Variants in NCAM2 observed in about 807,000 individuals in gnomAD.
NCAM2 encodes the protein neural cell adhesion molecule 2, also known as N-CAM-2.
Under a neutral mutation model 98.1 loss-of-function variants are expected in NCAM2, and 30 were observed. That is an observed-to-expected ratio of 0.31 (90% CI 0.23 to 0.41). The LOEUF (loss-of-function observed/expected upper bound fraction) is 0.41. Ranked by LOEUF, NCAM2 falls within the 10% of genes least tolerant of loss-of-function variation. NCAM2 has a pLI of 1.00. For missense variants in NCAM2, 867 were observed against 1,005.8 expected, an observed-to-expected ratio of 0.86 and a Z score of 1.87; for synonymous variants, 368 against 342.4, an observed-to-expected ratio of 1.07 and a Z score of -0.83.
intron 16 of NCAM2, among the ~76,000 whole-genome samples, chr21:21,519,218 A>G (rs765672788): frequency 1.3e-5 from 2 of 152,116 alleles, no homozygotes; most frequent in Non-Finnish European, 2.9e-5. Flanking sequence ...TGTTTGAAAT[A>G]GAAGACTACT....
At chr21:21,532,925 C>G (rs747835024) in intron 16 of NCAM2, among the ~76,000 whole-genome samples, 1 of 151,994 alleles carries the variant, frequency 6.6e-6, no homozygotes, top group Non-Finnish European at 1.5e-5. Context: ...TTACAGACAT[C>G]TGATTTTCAG....
intron 1 of NCAM2, among the ~76,000 whole-genome samples, chr21:21,086,971 G>T (rs1166423380): frequency 2.0e-5 from 3 of 150,310 alleles, no homozygotes; most frequent in African/African-American, 7.4e-5. Context: ...CTATCCTTTT[G>T]ATAGGGATAT....
chr21:21,050,047 G>GTCAAA (rs2065075977), intron 1 of NCAM2, among the ~76,000 whole-genome samples: 2 of 151,814 alleles, frequency 1.3e-5, no homozygotes, highest in South Asian at 4.2e-4. Flanking sequence ...ATCAGATCAG[G>GTCAAA]TGACTGATCA....
intron 16 of NCAM2, among the ~76,000 whole-genome samples, chr21:21,514,753 C>T (rs914962653): frequency 1.3e-5 from 2 of 152,082 alleles, no homozygotes; most frequent in Non-Finnish European, 2.9e-5. Context: ...TTGAAAATGT[C>T]ATTCTTTTCT....
chr21:21,426,204 A>ACC lies in NCAM2; in HGVS notation c.1481-5903_1481-5902dup, dbSNP rs1291000578. On this transcript the variant is annotated intron_variant, in intron 11 of 17. Transcript: ENST00000400546. ...AATGTGGAGGGAAACCAGCATTCAAACCACAGCATGATCGAAACAAGAAAA... is the reference window on the plus strand; with the variant it reads ...AATGTGGAGGGAAACCAGCATTCAAACCCCACAGCATGATCGAAACAAGAAAA... 3.3e-5 allele frequency among the ~76,000 whole-genome samples: 5 copies of ACC among 152,248 alleles called. 1 individual carries two copies. The South Asian group carries it at 1.0e-3, about 32-fold the overall frequency.
chr21:21,201,000 A>T (rs1353910497), intron 1 of NCAM2, among the ~76,000 whole-genome samples: 2 of 152,006 alleles, frequency 1.3e-5, no homozygotes, highest in Non-Finnish European at 2.9e-5. Flanking sequence ...CTTTTTTATG[A>T]TTTTAATATA....
At chr21:21,504,745 A>G (rs1175937823) in intron 15 of NCAM2, among the ~76,000 whole-genome samples, 1 of 151,552 alleles carries the variant, frequency 6.6e-6, no homozygotes, top group South Asian at 2.1e-4. Flanking sequence ...ATACATACAT[A>G]GAACATAACT....
At chr21:21,497,027 G>T (rs1485198191) in intron 15 of NCAM2, among the ~76,000 whole-genome samples, 4 of 152,044 alleles carry the variant, frequency 2.6e-5, no homozygotes, top group African/African-American at 9.7e-5. Flanking sequence ...ATTCTACACA[G>T]CCATAAAAAA....
intron 11 of NCAM2, among the ~76,000 whole-genome samples, chr21:21,428,070 C>G (rs1225620556): frequency 2.0e-5 from 3 of 152,330 alleles, no homozygotes; most frequent in South Asian, 2.1e-4. Context: ...TCCATGGACT[C>G]TCATGACATA....
chr21:21,031,976 C>G (rs563052733), intron 1 of NCAM2, among the ~76,000 whole-genome samples: 2 of 152,264 alleles, frequency 1.3e-5, no homozygotes, highest in African/African-American at 4.8e-5. Flanking sequence ...GAGCATGCTA[C>G]ATACAGGAAC....
intron 1 of NCAM2, among the ~76,000 whole-genome samples, chr21:21,020,235 C>T (rs972083185): frequency 6.6e-6 from 1 of 152,004 alleles, no homozygotes; most frequent in African/African-American, 2.4e-5. Flanking sequence ...GGGGTTTCAC[C>T]GTGTTGGCCA....
At chr21:21,445,224 G>T (rs1341597005) in intron 12 of NCAM2, among the ~76,000 whole-genome samples, 1 of 152,036 alleles carries the variant, frequency 6.6e-6, no homozygotes, top group African/African-American at 2.4e-5. Flanking sequence ...CAGTTATTTT[G>T]CATTTGCTGA....
intron 2 of NCAM2, 51 bp from the exon 3 acceptor site, chr21:21,284,139 TCAAA>T (rs2073019528): frequency 7.1e-7 from 1 of 1,408,132 alleles, no homozygotes; most frequent in Non-Finnish European, 1.0e-6. Flanking sequence ...ATGCCAATGT[TCAAA>T]CAAATATTTT....
chr21:21,420,945 C>G (rs1300748942), intron 11 of NCAM2, among the ~76,000 whole-genome samples: 2 of 151,788 alleles, frequency 1.3e-5, no homozygotes, highest in Non-Finnish European at 2.9e-5. Context: ...ATTCACTACT[C>G]AAATTAATTC....
intron 8 of NCAM2, among the ~76,000 whole-genome samples, chr21:21,342,907 C>A (rs9306016): frequency 0.57 from 86,174 of 151,930 alleles, 24,649 homozygotes; most frequent in Admixed American, 0.65. Context: ...GGGGTTTGCA[C>A]AAGGTCACAC....
At chr21:21,320,725 A>G (rs1000746228) in intron 5 of NCAM2, among the ~76,000 whole-genome samples, 1 of 152,196 alleles carries the variant, frequency 6.6e-6, no homozygotes. Flanking sequence ...ATATAATATT[A>G]AAATACTAGT....
At chr21:21,479,967 C>CT in intron 15 of NCAM2, among the ~76,000 whole-genome samples, 1 of 152,096 alleles carries the variant, frequency 6.6e-6, no homozygotes, top group East Asian at 1.9e-4. Flanking sequence ...GTGACAAACC[C>CT]TTGAATGAGT....
chr21:21,003,079 T>C (rs2038763213), intron 1 of NCAM2, among the ~76,000 whole-genome samples: 1 of 152,238 alleles, frequency 6.6e-6, no homozygotes, highest in Admixed American at 6.5e-5. Flanking sequence ...TTAATAACTT[T>C]TAACAATTTA....
At chr21:21,361,194 C>T (rs1385861471) in intron 8 of NCAM2, among the ~76,000 whole-genome samples, 2 of 151,930 alleles carry the variant, frequency 1.3e-5, no homozygotes, top group Non-Finnish European at 2.9e-5. Flanking sequence ...TGATCATTAC[C>T]ATAACTTTTA....
Sources: gnomAD v4.1 joint callset for allele counts (sites outside exome capture counted in the v4.1 genomes callset) on GRCh38, gnomAD v4.1.1 for gene constraint, MANE v1.5 for transcripts, NCBI Gene and HGNC (gene_info 2026-07-23, HGNC 2026-07-21) for gene names.